MTMR12: variants seen among roughly 807,000 people sequenced by gnomAD.
MTMR12 encodes myotubularin-related protein 12.
Under a neutral mutation model 96.7 loss-of-function variants are expected in MTMR12, and 33 were observed. That is an observed-to-expected ratio of 0.34 (90% CI 0.26 to 0.46). The LOEUF (loss-of-function observed/expected upper bound fraction) is 0.46. MTMR12 is among the 20% of genes least tolerant of loss of function. The pLI is 1.00. For missense variants in MTMR12, 721 were observed against 896.1 expected, an observed-to-expected ratio of 0.80 and a Z score of 2.49; for synonymous variants, 298 against 327.2, an observed-to-expected ratio of 0.91 and a Z score of 0.96.
chr5:32,309,223 A>G (rs1372808910), intron 1 of MTMR12, among the ~76,000 whole-genome samples: 2 of 152,260 alleles, frequency 1.3e-5, no homozygotes, highest in Non-Finnish European at 2.9e-5. Context: ...CTCTGGCCAC[A>G]TTTCAGAAGA....
At position 32,235,129 on chromosome 5, in the gene MTMR12, C is replaced by T; in HGVS notation, c.1345G>A (p.Val449Ile). Reference sequence around the variant, plus strand: ...TCTAGGAAAAGCAGGAACACAGGAACCTGCATGAAAACAAGATACGTTACT... The same window carrying T: ...TCTAGGAAAAGCAGGAACACAGGAATCTGCATGAAAACAAGATACGTTACT... ...NHLRQNDKEE[V>I]PVFLLFLDCV... is the part of the protein sequence containing the mutation. The change falls in exon 14 of 16, where the codon GTT (valine) becomes ATT (isoleucine). Residue 449 changes from valine (V) to isoleucine (I), a missense_variant and splice_region_variant. Coordinates refer to ENST00000382142, the MANE Select transcript of MTMR12 (RefSeq NM_001040446.3). 6.2e-7 allele frequency: 1 copy of T among 1,611,234 alleles called. No homozygotes were observed. The highest frequency in any genetic ancestry group is 8.5e-7 in the Non-Finnish European group (1 of 1,178,936).
intron 1 of MTMR12, among the ~76,000 whole-genome samples, chr5:32,309,396 C>T (rs750175495): frequency 6.6e-6 from 1 of 152,142 alleles, no homozygotes; most frequent in Non-Finnish European, 1.5e-5. Context: ...AGCTTCCTCA[C>T]AGCAAAGGAA....
At position 32,234,000 on chromosome 5, in the gene MTMR12, T is replaced by G; in HGVS notation, c.1513-66A>C. On this transcript the variant is annotated intron_variant, in intron 14 of 15. Coordinates refer to ENST00000382142, the MANE Select transcript of MTMR12 (RefSeq NM_001040446.3). The surrounding 1 kb of genome is among the most constrained non-coding windows in gnomAD (Gnocchi z 5.0). ...GCTGAGGAAGGCAAACACATACTTC[T>G]GGACACAGGCACCAGGAAGCATGCT... 2.6e-6 allele frequency: 4 copies of G among 1,513,780 alleles called. No individual in the cohort carries two copies. The highest frequency in any genetic ancestry group is 3.7e-6 in the Non-Finnish European group (4 of 1,095,794). 93.8% of individuals were successfully genotyped at this position (1,513,780 alleles called of 1,614,324 possible).
intron 1 of MTMR12, among the ~76,000 whole-genome samples, chr5:32,297,937 A>T (rs1192936103): frequency 6.6e-6 from 1 of 152,216 alleles, no homozygotes; most frequent in Non-Finnish European, 1.5e-5. Flanking sequence ...CAGGAAGCAA[A>T]AGGTCACAAA....
At chr5:32,286,668 AACT>A (rs753959622) in intron 1 of MTMR12, among the ~76,000 whole-genome samples, 75 of 152,232 alleles carry the variant, frequency 4.9e-4, no homozygotes, top group Admixed American at 3.3e-4. Flanking sequence ...GAGCTTAGTT[AACT>A]ACTATTATTG....
chr5:32,309,193 A>G (rs957610142), intron 1 of MTMR12, among the ~76,000 whole-genome samples: 2 of 152,252 alleles, frequency 1.3e-5, no homozygotes, highest in Admixed American at 6.5e-5. Context: ...TGGTGGACGA[A>G]GAATTTGAAC....
intron 3 of MTMR12, among the ~76,000 whole-genome samples, chr5:32,273,508 G>A (rs985596575): frequency 1.3e-5 from 2 of 152,216 alleles, no homozygotes; most frequent in African/African-American, 2.4e-5. Context: ...AAAACGTGGG[G>A]AACTAGTATA....
chr5:32,287,834 G>A (rs1038668258), intron 1 of MTMR12, among the ~76,000 whole-genome samples: 71 of 152,182 alleles, frequency 4.7e-4, no homozygotes, highest in African/African-American at 1.6e-3. Flanking sequence ...AAGGAGTTTA[G>A]TGACTCTATA....
chr5:32,275,557 A>T (rs1364478257), intron 2 of MTMR12, among the ~76,000 whole-genome samples: 1 of 152,206 alleles, frequency 6.6e-6, no homozygotes, highest in Non-Finnish European at 1.5e-5. Flanking sequence ...GTTGTGCCAT[A>T]ATCAGCTGGT....
intron 1 of MTMR12, among the ~76,000 whole-genome samples, chr5:32,285,898 C>CA (rs5867143): frequency 0.049 from 7,468 of 152,240 alleles, 226 homozygotes; most frequent in East Asian, 0.086. Context: ...AGGAGTGGCC[C>CA]AAAATCACAG....
chr5:32,296,532 C>T (rs774119822), intron 1 of MTMR12: 16 of 319,972 alleles, frequency 5.0e-5, no homozygotes, highest in Non-Finnish European at 9.9e-5. Flanking sequence ...TGGCGATTTA[C>T]ACTTTGCCTG....
intron 7 of MTMR12, among the ~76,000 whole-genome samples, chr5:32,258,436 T>G (rs1749225515): frequency 6.6e-6 from 1 of 152,136 alleles, no homozygotes. Flanking sequence ...GATTAAAAGA[T>G]TACCAATGTC....
rs147491756 is a variant in MTMR12, at chr5:32,233,393, T to C, written c.1674+380A>G. 2.2e-3 allele frequency among the ~76,000 whole-genome samples: 338 copies of C among 152,076 alleles called. No homozygotes were observed. Among genetic ancestry groups the C allele is most frequent in the African/African-American group, 7.9e-3 (328 of 41,420 alleles). On this transcript the variant is annotated intron_variant, in intron 15 of 15. Transcript: ENST00000382142. This position sits in a 1 kb window ranked among gnomAD's most constrained non-coding sequence, Gnocchi z 5.0. ...TTAAGAAAAGTCTTACTATTTATTATAATAAATGAACTGGTATCGGCCAAG... is the reference window on the plus strand; with the variant it reads ...TTAAGAAAAGTCTTACTATTTATTACAATAAATGAACTGGTATCGGCCAAG...
chr5:32,282,345 C>T (rs536118476), intron 1 of MTMR12, among the ~76,000 whole-genome samples: 13 of 151,664 alleles, frequency 8.6e-5, no homozygotes, highest in South Asian at 8.4e-4. Flanking sequence ...GGCGTGAGCC[C>T]GGGAGGCGGG....
At chr5:32,288,205 G>A (rs536299792) in intron 1 of MTMR12, among the ~76,000 whole-genome samples, 51 of 152,300 alleles carry the variant, frequency 3.3e-4, no homozygotes, top group Middle Eastern at 3.4e-3. Flanking sequence ...GGGAACGTGT[G>A]GGAGGACCCT....
chr5:32,284,929 C>A (rs1750469619), intron 1 of MTMR12, among the ~76,000 whole-genome samples: 1 of 152,344 alleles, frequency 6.6e-6, no homozygotes, highest in South Asian at 2.1e-4. Flanking sequence ...TATACCACCT[C>A]TTGCTGCTCC....
intron 7 of MTMR12, 187 bp from the exon 8 acceptor site, chr5:32,255,955 T>TG (rs902481518): frequency 4.8e-6 from 2 of 416,132 alleles, no homozygotes; most frequent in Non-Finnish European, 8.7e-6. Context: ...GACAAATCAG[T>TG]GGGGAATCTA....
At chr5:32,252,396 G>C (rs1025217849) in intron 8 of MTMR12, among the ~76,000 whole-genome samples, 1 of 152,194 alleles carries the variant, frequency 6.6e-6, no homozygotes, top group Non-Finnish European at 1.5e-5. Flanking sequence ...TGAATGAAAT[G>C]AAAGATTGAC....
intron 1 of MTMR12, among the ~76,000 whole-genome samples, chr5:32,300,345 G>T (rs576363313): frequency 2.6e-5 from 4 of 152,146 alleles, no homozygotes; most frequent in Non-Finnish European, 5.9e-5. Context: ...GGTAAGAAAA[G>T]GAAGTCTCGG....
Sources: gnomAD v4.1 joint callset for allele counts (sites outside exome capture counted in the v4.1 genomes callset) on GRCh38, gnomAD v4.1.1 for gene constraint, Gnocchi (gnomAD v3.1) non-coding constraint, MANE v1.5 for transcripts, NCBI Gene and HGNC (gene_info 2026-07-23, HGNC 2026-07-21) for gene names.